The following ARID4A variants were observed in gnomAD, a reference collection of about 807,000 sequenced individuals.
ARID4A encodes the protein AT-rich interactive domain-containing protein 4A.
ARID4A carries 39 observed loss-of-function variants against 148.6 expected under a neutral mutation model. That is an observed-to-expected ratio of 0.26 (90% CI 0.20 to 0.34). The LOEUF is 0.34. ARID4A is among the 10% of genes least tolerant of loss of function. The pLI is 1.00. For synonymous variants in ARID4A, 475 were observed against 481.2 expected, an observed-to-expected ratio of 0.99 and a Z score of 0.17; for missense variants, 1,265 against 1,449.1, an observed-to-expected ratio of 0.87 and a Z score of 2.06.
intron 5 of ARID4A, among the ~76,000 whole-genome samples, chr14:58,313,309 G>A (rs1251291852): frequency 6.6e-6 from 1 of 152,116 alleles, no homozygotes; most frequent in African/African-American, 2.4e-5. Context: ...GCTGGGGGAT[G>A]GTTTCGGGAT....
chr14:58,303,072 A>T (rs1474570533), intron 3 of ARID4A, among the ~76,000 whole-genome samples: 1 of 151,872 alleles, frequency 6.6e-6, no homozygotes, highest in Non-Finnish European at 1.5e-5. Context: ...TCGTTACTTT[A>T]TACTTAGATA....
chr14:58,307,448 T>C (rs2031693419), intron 5 of ARID4A, among the ~76,000 whole-genome samples: 2 of 152,260 alleles, frequency 1.3e-5, no homozygotes, highest in South Asian at 2.1e-4. Context: ...AATTTAGTGT[T>C]GGTTCACAGT....
rs139221235 is a variant in ARID4A at position 58,347,684 on chromosome 14, A to C, written c.1210A>C (p.Asn404His). ...TTTTGAGGAGTACTGCCGTTCGGCA[A>C]ATATTCAGTTCAGAACTGTTCATCA... ...YGFEEYCRSA[N>H]IQFRTVHHHE... The change falls in exon 15 of 24, where the codon AAT (asparagine) becomes CAT (histidine). Residue 404 changes from asparagine (N) to histidine (H), a missense_variant. Around this residue, in one of 9 missense-constraint regions of ARID4A, gnomAD observed 205 missense variants for 196.9 expected, o/e 1.04. Transcript: ENST00000355431. 1.7e-5 allele frequency: 28 copies of C among 1,612,312 alleles called. No homozygotes were observed. The East Asian group carries it at 2.7e-4, about 15-fold the overall frequency.
At position 58,344,612 on chromosome 14, in the gene ARID4A, T is replaced by C. The variant is rs559701129; in HGVS notation, c.907-83T>C. On this transcript the variant is annotated intron_variant, in intron 11 of 23. Coordinates refer to ENST00000355431, the MANE Select transcript of ARID4A (RefSeq NM_002892.4). ...CAGCTTTATTAAAATTTGATGACTT[T>C]ACATTGGGTTCACAAAAATAAAAGA... 4.7e-5 allele frequency: 45 copies of C among 963,274 alleles called. 1 individual carries two copies. In the South Asian group the frequency reaches 7.2e-4, roughly 15 times the overall value. 59.7% of individuals were successfully genotyped at this position (963,274 alleles called of 1,614,324 possible).
chr14:58,366,773 A>G (rs1378795708), intron 22 of ARID4A, 110 bp from the exon 23 acceptor site: 15 of 843,324 alleles, frequency 1.8e-5, no homozygotes, highest in Non-Finnish European at 1.8e-6. Context: ...AGGAGATTTT[A>G]ATAAACTAAA....
At chr14:58,326,971 A>T (rs754021477) in intron 8 of ARID4A, among the ~76,000 whole-genome samples, 1 of 152,140 alleles carries the variant, frequency 6.6e-6, no homozygotes, top group African/African-American at 2.4e-5. Flanking sequence ...GCACAGCTAT[A>T]TTATTAGTCT....
Position 58,346,495 on chromosome 14 carries a change from G to A in ARID4A, c.1064G>A (p.Gly355Glu). The part of the protein sequence containing the change: ...KLFRLVYHQG[G>E]CDNIDSGAVW... ...TTCAGACTGGTTTATCATCAGGGTGGATGTGACAATGTAAGTATAACATTG... is the reference window on the plus strand; with the variant it reads ...TTCAGACTGGTTTATCATCAGGGTGAATGTGACAATGTAAGTATAACATTG... The change falls in exon 13 of 24, where the codon GGA (glycine) becomes GAA (glutamate). Residue 355 changes from glycine (G) to glutamate (E), a missense_variant. Gly to Glu is a moderately conservative substitution (Grantham distance 98, BLOSUM62 -2). Coordinates refer to ENST00000355431, the MANE Select transcript of ARID4A (RefSeq NM_002892.4). The A allele has an allele frequency of 6.2e-7, 1 of 1,604,034 alleles. No individual in the cohort carries two copies. Among genetic ancestry groups the A allele is most frequent in the Non-Finnish European group, 8.5e-7 (1 of 1,172,610 alleles).
chr14:58,366,867 CT>C lies in ARID4A; in HGVS notation c.3524-13del. ...ATTATTTTAAAATCCAAATTAACTT[CT>C]TTCCCCCCTTTTAGATGAATTAGAT... is the stretch of plus-strand genomic sequence containing the variant. On this transcript the variant is annotated splice_polypyrimidine_tract_variant and intron_variant, in intron 22 of 23. Coordinates refer to ENST00000355431, the MANE Select transcript of ARID4A (RefSeq NM_002892.4). 1.3e-6 allele frequency: 2 copies of C among 1,482,796 alleles called. No homozygotes were observed. The highest frequency in any genetic ancestry group is 1.8e-6 in the Non-Finnish European group (2 of 1,121,344). 91.9% of individuals were successfully genotyped at this position (1,482,796 alleles called of 1,614,324 possible). A position where few individuals can be genotyped will look rare whatever the true frequency, so the allele number is the denominator to read the frequency against.
intron 16 of ARID4A, among the ~76,000 whole-genome samples, chr14:58,352,313 A>T (rs1223885772): frequency 6.6e-6 from 1 of 152,326 alleles, no homozygotes; most frequent in South Asian, 2.1e-4. Flanking sequence ...AGTAAAAAAA[A>T]GTTCTGTAAT....
At chr14:58,299,165 G>A (rs1201402383) in intron 1 of ARID4A, among the ~76,000 whole-genome samples, 1 of 152,152 alleles carries the variant, frequency 6.6e-6, no homozygotes, top group African/African-American at 2.4e-5. Flanking sequence ...CCCACACCCT[G>A]TCCGGGCCAC....
intron 18 of ARID4A, 106 bp downstream of exon 18, chr14:58,359,322 G>A: frequency 9.1e-7 from 1 of 1,102,618 alleles, no homozygotes; most frequent in Non-Finnish European, 1.3e-6. Context: ...TACCAAGATT[G>A]AGAGCAAGGT....
At chr14:58,339,843 G>GGAGAGAGA (rs35021584) in intron 11 of ARID4A, among the ~76,000 whole-genome samples, 5 of 142,302 alleles carry the variant, frequency 3.5e-5, no homozygotes, top group East Asian at 4.2e-4. Flanking sequence ...CGTGGCAACA[G>GGAGAGAGA]GAGAGAGAGA....
chr14:58,298,955 C>A (rs898496840), intron 1 of ARID4A, among the ~76,000 whole-genome samples: 3 of 152,182 alleles, frequency 2.0e-5, no homozygotes, highest in Non-Finnish European at 2.9e-5. Context: ...TGGGGCTGGC[C>A]GCGCCGCTAA....
At chr14:58,370,976 G>T (rs2035586196) in intron 23 of ARID4A, among the ~76,000 whole-genome samples, 1 of 152,054 alleles carries the variant, frequency 6.6e-6, no homozygotes, top group African/African-American at 2.4e-5. Flanking sequence ...ATTGAGATTT[G>T]AGTGATTTGT....
At chr14:58,330,942 T>C in intron 11 of ARID4A, among the ~76,000 whole-genome samples, 1 of 152,102 alleles carries the variant, frequency 6.6e-6, no homozygotes, top group East Asian at 1.9e-4. Context: ...TGTTACGGGG[T>C]AAAAGGGTTT....
chr14:58,357,936 C>T (rs1429991065), intron 17 of ARID4A, among the ~76,000 whole-genome samples: 1 of 152,220 alleles, frequency 6.6e-6, no homozygotes, highest in African/African-American at 2.4e-5. Context: ...GGTGCAATGG[C>T]TCATGCCTGT....
chr14:58,350,796 T>C (rs2034603391), intron 15 of ARID4A, among the ~76,000 whole-genome samples: 1 of 152,190 alleles, frequency 6.6e-6, no homozygotes, highest in Admixed American at 6.5e-5. Flanking sequence ...AATTTTTATT[T>C]CTTTTTTGTT....
At chr14:58,328,757 G>C (rs1456080605) in intron 9 of ARID4A, among the ~76,000 whole-genome samples, 1 of 152,108 alleles carries the variant, frequency 6.6e-6, no homozygotes, top group East Asian at 1.9e-4. Context: ...CACTTTGGGA[G>C]GCTGAGGTGG....
intron 11 of ARID4A, among the ~76,000 whole-genome samples, chr14:58,333,843 G>T (rs1287407624): frequency 6.6e-6 from 1 of 151,912 alleles, no homozygotes; most frequent in Non-Finnish European, 1.5e-5. Context: ...ATGCTAAATT[G>T]GTGGAATTTA....
Sources: allele counts gnomAD v4.1 joint callset (sites outside exome capture counted in the v4.1 genomes callset), GRCh38; gene constraint gnomAD v4.1.1; regional missense constraint gnomAD v4.1.1; transcripts MANE v1.5; gene names NCBI Gene and HGNC (gene_info 2026-07-23, HGNC 2026-07-21).